The following FGB variants were observed in gnomAD, a reference collection of about 807,000 sequenced individuals.
FGB encodes beta-fibrinogen.
FGB carries 25 observed loss-of-function variants against 57.9 expected under a neutral mutation model. The observed-to-expected ratio is 0.43, with a 90% CI of 0.31 to 0.60. The LOEUF (loss-of-function observed/expected upper bound fraction) is 0.60. Ranked by LOEUF, FGB falls within the 20% of genes least tolerant of loss-of-function variation. The probability of loss-of-function intolerance (pLI) is 0.08; values close to 1 mark genes in which losing one functional copy is unlikely to be tolerated. For missense variants in FGB, 536 were observed against 598.4 expected, an observed-to-expected ratio of 0.90 and a Z score of 1.09; for synonymous variants, 203 against 199.2, an observed-to-expected ratio of 1.02 and a Z score of -0.16.
At chr4:154,566,814 C>A in intron 3 of FGB, 142 bp downstream of exon 3, 2 of 760,862 alleles carry the variant, frequency 2.6e-6, no homozygotes, top group East Asian at 2.6e-5. Context: ...CCTTCCCCTG[C>A]AACTTGCCAG....
chr4:154,566,491 G>C lies in FGB; in HGVS notation c.309G>C (p.Gly103=), dbSNP rs145524939. 2 of 1,613,880 alleles carry C rather than the reference G, an allele frequency of 1.2e-6. No homozygotes were observed. Among genetic ancestry groups the C allele is most frequent in the African/African-American group, 2.7e-5 (2 of 74,890 alleles). ...CCTGCTATTTTCTTTGTTTTTAGGG[G>C]GTGTTGTGTCCTACAGGATGTCAGT... ...GGCLHADPDL[G]VLCPTGCQLQ... is the part of the protein sequence containing the mutation. The change falls in exon 3 of 8, where the codon GGG becomes GGC. Residue 103 remains glycine (G), a splice_region_variant and synonymous_variant. Transcript: ENST00000302068.
chr4:154,567,244 A>C (rs1730197509), intron 3 of FGB, among the ~76,000 whole-genome samples: 1 of 152,218 alleles, frequency 6.6e-6, no homozygotes, highest in African/African-American at 2.4e-5. Context: ...TGGATAAATA[A>C]ATCAAGCATA....
chr4:154,569,440 A>G (rs1454932015), intron 6 of FGB, 74 bp from the exon 7 acceptor site: 1 of 1,586,654 alleles, frequency 6.3e-7, no homozygotes, highest in African/African-American at 1.4e-5. Flanking sequence ...GAAGCTAAAG[A>G]TAAGGGAAGA....
intron 7 of FGB, 110 bp from the exon 8 acceptor site, chr4:154,570,309 G>A (rs1730364601): frequency 1.3e-6 from 1 of 799,242 alleles, no homozygotes; most frequent in African/African-American, 1.7e-5. Flanking sequence ...AGCACCCAAA[G>A]GAAAGACTAC....
At position 154,569,797 on chromosome 4, in the gene FGB, C is replaced by T; in HGVS notation, c.1242C>T (p.Gly414=). The change falls in exon 7 of 8, where the codon GGC becomes GGT. Residue 414 remains glycine (G), a splice_region_variant and synonymous_variant. Coordinates refer to ENST00000302068, the MANE Select transcript of FGB (RefSeq NM_005141.5). ...GCACGTATGACAGAGACAATGACGG[C>T]TGGTATGTGTGGCACTCTTTGCTCC... ...FFSTYDRDND[G]WLTSDPRKQC... is the part of the protein sequence containing the mutation. 1 of 1,614,112 alleles carries T rather than the reference C, an allele frequency of 6.2e-7. No individual in the cohort carries two copies. Among genetic ancestry groups the T allele is most frequent in the Non-Finnish European group, 8.5e-7 (1 of 1,179,992 alleles).
rs749785846 is a variant in FGB at position 154,568,469 on chromosome 4, C to T, written c.807C>T (p.Tyr269=). 1 of 1,586,150 alleles carries T rather than the reference C, an allele frequency of 6.3e-7. No individual in the cohort carries two copies. Among genetic ancestry groups the T allele is most frequent in the East Asian group, 2.2e-5 (1 of 44,762 alleles). The part of the protein sequence containing the change: ...PDSSVKPYRV[Y]CDMNTENGGW... Reference sequence around the variant, plus strand: ...GTTCTGTCAAACCGTATAGAGTATACTGTGACATGAATACAGAAAATGGAG... The same window carrying T: ...GTTCTGTCAAACCGTATAGAGTATATTGTGACATGAATACAGAAAATGGAG... Residue 269 remains tyrosine, a synonymous_variant, in exon 5 of 8, where the codon TAC becomes TAT. Coordinates refer to ENST00000302068, the MANE Select transcript of FGB (RefSeq NM_005141.5).
Position 154,571,739 on chromosome 4 carries a change from A to T in FGB, c.*1089A>T, listed in dbSNP as rs1578787399. On this transcript the variant is annotated 3_prime_UTR_variant, in exon 8 of 8. Transcript: ENST00000302068. Reference sequence around the variant, plus strand: ...TTTTCTGTTCTTTCTACTTCTCCCCATGAAATGGGCATATCATCTCAACAC... The same window carrying T: ...TTTTCTGTTCTTTCTACTTCTCCCCTTGAAATGGGCATATCATCTCAACAC... Among the ~76,000 whole-genome samples, 2 of 152,232 alleles carry T rather than the reference A, an allele frequency of 1.3e-5. No homozygotes were observed. The highest frequency in any genetic ancestry group is 3.9e-4 in the East Asian group (2 of 5,176).
Position 154,571,468 on chromosome 4 carries a change from CAAA to C in FGB, c.*832_*834del, listed in dbSNP as rs57313183. 6.4e-5 allele frequency among the ~76,000 whole-genome samples: 7 copies of C among 109,580 alleles called. No individual in the cohort carries two copies. Among genetic ancestry groups the C allele is most frequent in the Non-Finnish European group, 5.6e-5 (3 of 53,976 alleles). The allele number at this position is 109,580 out of a possible 152,430, so 71.9% of individuals were successfully genotyped here. A position where few individuals can be genotyped will look rare whatever the true frequency, so the allele number is the denominator to read the frequency against. On this transcript the variant is annotated 3_prime_UTR_variant, in exon 8 of 8. Coordinates refer to ENST00000302068, the MANE Select transcript of FGB (RefSeq NM_005141.5). ...TGGGCAACAGCGTGAGACTCCACCT[CAAA>C]AAAAAAAAAAAAAGAATCTGACTAT...
rs148864798 is a variant in FGB, at chr4:154,566,492, G to A, written c.310G>A (p.Val104Met). Residue 104 changes from valine (V) to methionine (M), a missense_variant, in exon 3 of 8, where the codon GTG becomes ATG. By Grantham distance (21) the Val-to-Met change is conservative. Around this residue, in one of 3 missense-constraint regions of FGB, gnomAD observed 354 missense variants for 383.4 expected, o/e 0.92. Coordinates refer to ENST00000302068, the MANE Select transcript of FGB (RefSeq NM_005141.5). The part of the protein sequence containing the change: ...GCLHADPDLG[V>M]LCPTGCQLQE... ...CTGCTATTTTCTTTGTTTTTAGGGG[G>A]TGTTGTGTCCTACAGGATGTCAGTT... 1.9e-5 allele frequency: 30 copies of A among 1,613,972 alleles called. No homozygotes were observed. In the African/African-American group the frequency reaches 3.1e-4, roughly 17 times the overall value.
chr4:154,570,431 T>A lies in FGB; in HGVS notation c.1257T>A (p.Asp419Glu), dbSNP rs774106857. 9 of 1,613,302 alleles carry A rather than the reference T, an allele frequency of 5.6e-6. No individual in the cohort carries two copies. Among genetic ancestry groups the A allele is most frequent in the Admixed American group, 1.7e-5 (1 of 60,002 alleles). Reference sequence around the variant, plus strand: ...CATTTTCTTTCAGGTTAACATCAGATCCCAGAAAACAGTGTTCTAAAGAAG... The same window carrying A: ...CATTTTCTTTCAGGTTAACATCAGAACCCAGAAAACAGTGTTCTAAAGAAG... ...DRDNDGWLTSDPRKQCSKEDG... is the reference protein window; with the variant it reads ...DRDNDGWLTSEPRKQCSKEDG... The change falls in exon 8 of 8, where the codon GAT becomes GAA. Residue 419 changes from aspartate to glutamate, a missense_variant. Physicochemically the swap from Asp to Glu is conservative, Grantham distance 45. Coordinates refer to ENST00000302068, the MANE Select transcript of FGB (RefSeq NM_005141.5).
chr4:154,568,700 C>CA lies in FGB; in HGVS notation c.832+221dup, dbSNP rs33927322. 4.8e-3 allele frequency among the ~76,000 whole-genome samples: 621 copies of CA among 129,528 alleles called. 8 individuals are homozygous for CA. Among genetic ancestry groups the CA allele is most frequent in the Non-Finnish European group, 8.2e-3 (521 of 63,390 alleles). The allele number at this position is 129,528 out of a possible 152,430, so 85.0% of individuals were successfully genotyped here. On this transcript the variant is annotated intron_variant, in intron 5 of 7. Coordinates refer to ENST00000302068, the MANE Select transcript of FGB (RefSeq NM_005141.5). ...AACTCTACAAAAAAAAAAAAAATAC[C>CA]AAAAAAAAAAAAAAATCAGCTGTGT...
In FGB at chr4:154,565,855, A is replaced by G. The variant is rs762126974; in HGVS notation, c.162A>G (p.Glu54=). 1 of 1,614,208 alleles carries G rather than the reference A, an allele frequency of 6.2e-7. No homozygotes were observed. Among genetic ancestry groups the G allele is most frequent in the South Asian group, 1.1e-5 (1 of 91,086 alleles). The change falls in exon 2 of 8, where the codon GAA becomes GAG. Residue 54 remains glutamate (E), a synonymous_variant. Coordinates refer to ENST00000302068, the MANE Select transcript of FGB (RefSeq NM_005141.5). ...ATCGACCCCTTGACAAGAAGAGAGA[A>G]GAGGCTCCCAGCCTGAGGCCTGCCC... ...RGHRPLDKKR[E]EAPSLRPAPP... is the part of the protein sequence containing the mutation.
chr4:154,569,902 T>C (rs2110779084), intron 7 of FGB, 103 bp downstream of exon 7: 3 of 1,216,382 alleles, frequency 2.5e-6, no homozygotes, highest in Non-Finnish European at 2.4e-6. Context: ...GGGCACTTAC[T>C]GTCAGCCACT....
rs777895153 is a variant in FGB at position 154,563,052 on chromosome 4, C to G, written c.34C>G (p.Leu12Val). ...KRMVSWSFHK[L>V]KTMKHLLLLL... ...GATGGTTTCTTGGAGCTTCCACAAA[C>G]TTAAAACCATGAAACATCTATTATT... is the stretch of plus-strand genomic sequence containing the variant. The change falls in exon 1 of 8, where the codon CTT (leucine) becomes GTT (valine). Residue 12 changes from leucine to valine, a missense_variant. Transcript: ENST00000302068. 10 of 1,570,068 alleles carry G rather than the reference C, an allele frequency of 6.4e-6. No homozygotes were observed. Among genetic ancestry groups the G allele is most frequent in the Non-Finnish European group, 8.7e-6 (10 of 1,154,172 alleles).
At position 154,568,457 on chromosome 4, in the gene FGB, G is replaced by T. The variant is rs144912407; in HGVS notation, c.795G>T (p.Pro265=). The change falls in exon 5 of 8, where the codon CCG becomes CCT. Residue 265 remains proline (P), a synonymous_variant. Transcript: ENST00000302068. ...TTCAACCTGACAGTTCTGTCAAACC[G>T]TATAGAGTATACTGTGACATGAATA... The part of the protein sequence containing the change: ...YLIQPDSSVK[P]YRVYCDMNTE... 6 of 1,598,174 alleles carry T rather than the reference G, an allele frequency of 3.8e-6. No individual in the cohort carries two copies. Among genetic ancestry groups the T allele is most frequent in the Middle Eastern group, 1.7e-4 (1 of 6,022 alleles).
intron 6 of FGB, 61 bp from the exon 7 acceptor site, chr4:154,569,453 G>C: frequency 6.3e-7 from 1 of 1,590,838 alleles, no homozygotes; most frequent in Admixed American, 1.7e-5. Flanking sequence ...AGGGAAGAAA[G>C]GCAGTTTTTA....
chr4:154,569,776 G>C lies in FGB; in HGVS notation c.1221G>C (p.Thr407=), dbSNP rs143651398. ...TTCACAACGGCATGTTCTTCAGCAC[G>C]TATGACAGAGACAATGACGGCTGGT... ...MTIHNGMFFS[T]YDRDNDGWLT... Residue 407 remains threonine (T), a synonymous_variant, in exon 7 of 8, where the codon ACG becomes ACC. Coordinates refer to ENST00000302068, the MANE Select transcript of FGB (RefSeq NM_005141.5). 1 of 1,614,130 alleles carries C rather than the reference G, an allele frequency of 6.2e-7. No homozygotes were observed. Among genetic ancestry groups the C allele is most frequent in the Non-Finnish European group, 8.5e-7 (1 of 1,180,010 alleles).
At chr4:154,564,802 T>G (rs1009729941) in intron 1 of FGB, among the ~76,000 whole-genome samples, 2 of 152,142 alleles carry the variant, frequency 1.3e-5, no homozygotes, top group African/African-American at 2.4e-5. Context: ...ATCAAAACTT[T>G]CCTATTGCAA....
chr4:154,569,921 C>A, intron 7 of FGB, 122 bp downstream of exon 7: 2 of 989,398 alleles, frequency 2.0e-6, no homozygotes, highest in Non-Finnish European at 3.2e-6. Flanking sequence ...CTGTCCTAAG[C>A]TCTTTATGCA....
Sources: gnomAD v4.1 joint callset for allele counts (sites outside exome capture counted in the v4.1 genomes callset) on GRCh38, gnomAD v4.1.1 for gene constraint, gnomAD v4.1.1 regional missense constraint, MANE v1.5 for transcripts, NCBI Gene and HGNC (gene_info 2026-07-23, HGNC 2026-07-21) for gene names.